Variants in SHMT1 observed in about 807,000 individuals in gnomAD.
The protein encoded by SHMT1 is serine hydroxymethyltransferase 1.
A neutral mutation model predicts 49.0 loss-of-function variants in SHMT1; 45 were observed. The ratio of observed to expected loss-of-function variants is 0.92; its 90% CI spans 0.72 to 1.18. The LOEUF is 1.18. Among genes scored for constraint, SHMT1 ranks in the 50% most tolerant of loss-of-function variants. The pLI is 0.00. For synonymous variants in SHMT1, 232 were observed against 246.6 expected (o/e 0.94, Z 0.55); for missense variants, 541 against 612.4 (o/e 0.88, Z 1.23).
intron 1 of SHMT1, among the ~76,000 whole-genome samples, chr17:18,359,386 A>C (rs1380647917): frequency 6.6e-6 from 1 of 152,016 alleles, no homozygotes; most frequent in Non-Finnish European, 1.5e-5. Flanking sequence ...AAAAATTTAG[A>C]AATTAGGCTG....
rs547118825 is a variant in SHMT1 at position 18,339,860 on chromosome 17, G to A, written c.814+183C>T. 4.6e-5 allele frequency among the ~76,000 whole-genome samples: 7 copies of A among 152,182 alleles called. No individual in the cohort carries two copies. In the East Asian group the frequency reaches 5.8e-4, roughly 13 times the overall value. ...CAGGCGCGAGCCACCTCACCTGGCC[G>A]GGAATCCTTTCTGTAAAGCCTGTCA... On this transcript the variant is annotated intron_variant, in intron 7 of 11. Transcript: ENST00000316694.
At chr17:18,345,971 C>T (rs1013776098) in intron 5 of SHMT1, among the ~76,000 whole-genome samples, 4 of 152,066 alleles carry the variant, frequency 2.6e-5, no homozygotes, top group South Asian at 2.1e-4. Context: ...TGTGAGCCAC[C>T]GAGCCCAGCC....
At chr17:18,342,368 G>A (rs1184830590) in intron 5 of SHMT1, among the ~76,000 whole-genome samples, 2 of 152,004 alleles carry the variant, frequency 1.3e-5, no homozygotes, top group Admixed American at 6.6e-5. Flanking sequence ...CCAGGCTGGA[G>A]TGCGGTGGTG....
intron 1 of SHMT1, among the ~76,000 whole-genome samples, chr17:18,357,600 T>C (rs2151607317): frequency 6.6e-6 from 1 of 152,264 alleles, no homozygotes; most frequent in Non-Finnish European, 1.5e-5. Flanking sequence ...GGAGTTTTGC[T>C]ATAAGAAGGG....
intron 5 of SHMT1, among the ~76,000 whole-genome samples, chr17:18,342,251 C>T (rs1223777836): frequency 6.6e-6 from 1 of 152,154 alleles, no homozygotes; most frequent in Non-Finnish European, 1.5e-5. Flanking sequence ...TTTGCAACAA[C>T]ACCGATGAAC....
At chr17:18,359,215 G>A (rs28842509) in intron 1 of SHMT1, among the ~76,000 whole-genome samples, 4,737 of 151,430 alleles carry the variant, frequency 0.031, 282 homozygotes, top group African/African-American at 0.11. Flanking sequence ...TCTAGCCTGG[G>A]TGACAAAGCA....
chr17:18,349,957 T>C (rs913978783), intron 3 of SHMT1, among the ~76,000 whole-genome samples: 4 of 151,044 alleles, frequency 2.6e-5, no homozygotes, highest in African/African-American at 9.8e-5. Flanking sequence ...GAGGCGGAGG[T>C]TGCGGTGAGC....
At chr17:18,350,224 G>T (rs540116230) in intron 3 of SHMT1, among the ~76,000 whole-genome samples, 1 of 150,610 alleles carries the variant, frequency 6.6e-6, no homozygotes, top group East Asian at 2.0e-4. Context: ...CCAGCTACTC[G>T]GGAGGCTGAG....
chr17:18,359,755 G>C (rs1986580348), intron 1 of SHMT1, among the ~76,000 whole-genome samples: 1 of 150,844 alleles, frequency 6.6e-6, no homozygotes, highest in African/African-American at 2.4e-5. Flanking sequence ...AGACTGTCCT[G>C]GCCAACATGG....
intron 7 of SHMT1, among the ~76,000 whole-genome samples, chr17:18,339,812 G>A (rs1226559944): frequency 4.6e-5 from 7 of 152,126 alleles, no homozygotes; most frequent in East Asian, 1.9e-4. Flanking sequence ...TGCCCGCTTC[G>A]GCCTCCCAAA....
intron 3 of SHMT1, among the ~76,000 whole-genome samples, chr17:18,349,746 C>G (rs1008730896): frequency 1.3e-5 from 2 of 151,764 alleles, no homozygotes; most frequent in East Asian, 1.9e-4. Context: ...CCGGGCCCGG[C>G]GTAGTGGCTC....
intron 2 of SHMT1, among the ~76,000 whole-genome samples, chr17:18,354,777 C>T (rs1021501536): frequency 4.6e-5 from 7 of 151,494 alleles, no homozygotes; most frequent in Non-Finnish European, 5.9e-5. Context: ...TGGTGGCTCA[C>T]GCCTGTAATC....
chr17:18,329,491 T>C, intron 10 of SHMT1, 103 bp from the exon 11 acceptor site: 1 of 899,416 alleles, frequency 1.1e-6, no homozygotes, highest in Non-Finnish European at 1.8e-6. Flanking sequence ...GGCCTGAGGA[T>C]ACTGGCTGTC....
chr17:18,337,652 G>A (rs865927626), intron 7 of SHMT1, among the ~76,000 whole-genome samples: 3 of 145,154 alleles, frequency 2.1e-5, no homozygotes, highest in South Asian at 4.4e-4. Context: ...CCGCCATCTC[G>A]GCTCACTGCA....
intron 1 of SHMT1, among the ~76,000 whole-genome samples, chr17:18,356,216 G>C (rs968022915): frequency 6.6e-6 from 1 of 151,344 alleles, no homozygotes; most frequent in African/African-American, 2.4e-5. Context: ...CTAATTTTTT[G>C]TATTTTTAGT....
chr17:18,359,304 C>G (rs1400708315), intron 1 of SHMT1, among the ~76,000 whole-genome samples: 1 of 151,468 alleles, frequency 6.6e-6, no homozygotes, highest in Admixed American at 6.6e-5. Context: ...TTAGGGGAGT[C>G]AAGGCAGGAG....
At chr17:18,342,685 C>T (rs1358384454) in intron 5 of SHMT1, among the ~76,000 whole-genome samples, 1 of 151,854 alleles carries the variant, frequency 6.6e-6, no homozygotes, top group Non-Finnish European at 1.5e-5. Context: ...CCTGCAGTTC[C>T]AGCACTTTGG....
intron 1 of SHMT1, among the ~76,000 whole-genome samples, chr17:18,359,446 G>C (rs1240487160): frequency 6.6e-6 from 1 of 152,072 alleles, no homozygotes; most frequent in Non-Finnish European, 1.5e-5. Context: ...GGCTGAGGTG[G>C]GCAGATCAAC....
intron 3 of SHMT1, chr17:18,353,442 A>T (rs1405852031): frequency 1.8e-6 from 1 of 563,966 alleles, no homozygotes; most frequent in Non-Finnish European, 3.2e-6. Context: ...GTTTTTCTAG[A>T]AAGCCCCCAA....
Sources: gnomAD v4.1 joint callset for allele counts (sites outside exome capture counted in the v4.1 genomes callset) on GRCh38, gnomAD v4.1.1 for gene constraint, MANE v1.5 for transcripts, NCBI Gene and HGNC (gene_info 2026-07-23, HGNC 2026-07-21) for gene names.